The following ERI1 variants were observed in gnomAD, a reference collection of about 807,000 sequenced individuals.
ERI1 encodes the protein 3'-5' exoribonuclease 1.
A neutral mutation model predicts 39.7 loss-of-function variants in ERI1; 39 were observed. The ratio of observed to expected loss-of-function variants is 0.98; its 90% CI spans 0.76 to 1.28. ERI1 has a LOEUF of 1.28. Among genes scored for constraint, ERI1 ranks in the 50% most tolerant of loss-of-function variants. The probability of loss-of-function intolerance (pLI) is 0.00; values close to 1 mark genes in which losing one functional copy is unlikely to be tolerated. For missense variants in ERI1, 581 were observed against 416.9 expected (o/e 1.39, Z -3.43); for synonymous variants, 204 against 149.6 (o/e 1.36, Z -2.65).
intron 3 of ERI1, among the ~76,000 whole-genome samples, chr8:9,045,191 G>A (rs886701065): frequency 3.5e-5 from 5 of 142,684 alleles, no homozygotes; most frequent in African/African-American, 1.1e-4. Flanking sequence ...AGCAGAGATC[G>A]CGCCACTGCA....
At chr8:9,040,709 T>C (rs571502272) in intron 3 of ERI1, among the ~76,000 whole-genome samples, 126 of 145,038 alleles carry the variant, frequency 8.7e-4, no homozygotes, top group African/African-American at 3.2e-3. Flanking sequence ...AATGTTTTCA[T>C]CAGTAATATA....
intron 3 of ERI1, among the ~76,000 whole-genome samples, chr8:9,043,832 C>A (rs1400209541): frequency 6.6e-6 from 1 of 152,060 alleles, no homozygotes; most frequent in Non-Finnish European, 1.5e-5. Flanking sequence ...GGACTACAGG[C>A]CATAATTGTA....
At chr8:9,026,566 C>G (rs1234106993) in intron 6 of ERI1, among the ~76,000 whole-genome samples, 1 of 152,130 alleles carries the variant, frequency 6.6e-6, no homozygotes, top group Non-Finnish European at 1.5e-5. Context: ...AGAATTCTAC[C>G]TTTCTGAGGC....
At chr8:9,018,236 T>C in intron 4 of ERI1, 61 bp from the exon 5 acceptor site, 1 of 897,614 alleles carries the variant, frequency 1.1e-6, no homozygotes, top group Non-Finnish European at 1.8e-6. Flanking sequence ...GTCTGGGTAT[T>C]TTGTAGGTCT....
At chr8:9,087,441 T>C (rs1283466680) in intron 3 of ERI1, among the ~76,000 whole-genome samples, 43 of 150,118 alleles carry the variant, frequency 2.9e-4, no homozygotes, top group African/African-American at 9.3e-4. Flanking sequence ...TTTTTGATTT[T>C]TAGTAGAGAC....
chr8:9,033,057 A>T lies in ERI1; in HGVS notation c.*3023A>T, dbSNP rs776650566. 2 of 152,186 alleles carry T rather than the reference A, an allele frequency of 1.3e-5. No individual in the cohort carries two copies. Among genetic ancestry groups the T allele is most frequent in the Non-Finnish European group, 2.9e-5 (2 of 68,032 alleles). 9.4% of individuals were successfully genotyped at this position (152,186 alleles called of 1,614,324 possible). A position where few individuals can be genotyped will look rare whatever the true frequency, so the allele number is the denominator to read the frequency against. On this transcript the variant is annotated 3_prime_UTR_variant, in exon 7 of 7. Transcript: ENST00000250263. ...GTTGATACATGAAGGACAGCATTAC[A>T]TCTTTTTTCTATTATACTTAGAAAT...
rs757707302 is a variant in ERI1, at chr8:9,029,820, T to A, written c.836T>A (p.Ile279Lys). 1 of 1,614,052 alleles carries A rather than the reference T, an allele frequency of 6.2e-7. No individual in the cohort carries two copies. Among genetic ancestry groups the A allele is most frequent in the African/African-American group, 1.3e-5 (1 of 74,920 alleles). ...KVPRSQTKLT[I>K]MLEKLGMDYD... is the part of the protein sequence containing the mutation. ...CCTAGAAGCCAAACCAAACTGACAA[T>A]AATGCTTGAAAAATTAGGAATGGAT... Residue 279 changes from isoleucine to lysine, a missense_variant, in exon 7 of 7, where the codon ATA becomes AAA. Physicochemically the swap from Ile to Lys is moderately radical, Grantham distance 102. Transcript: ENST00000250263.
At chr8:9,055,873 G>A (rs1397102529) in intron 3 of ERI1, among the ~76,000 whole-genome samples, 1 of 152,124 alleles carries the variant, frequency 6.6e-6, no homozygotes, top group Non-Finnish European at 1.5e-5. Flanking sequence ...TAGCTTTGAG[G>A]GAAAGGGGTT....
At chr8:9,084,815 C>T (rs1285378497) in intron 3 of ERI1, among the ~76,000 whole-genome samples, 8 of 151,770 alleles carry the variant, frequency 5.3e-5, no homozygotes, top group Non-Finnish European at 1.0e-4. Context: ...GATACAAAAG[C>T]TGATCATTCT....
At chr8:9,010,151 A>G (rs1158220970) in intron 2 of ERI1, among the ~76,000 whole-genome samples, 1 of 152,236 alleles carries the variant, frequency 6.6e-6, no homozygotes, top group African/African-American at 2.4e-5. Context: ...CTGAGTTAGA[A>G]TTGACAAACA....
chr8:9,009,084 A>G (rs1816387852), intron 2 of ERI1: 1 of 456,296 alleles, frequency 2.2e-6, no homozygotes, highest in African/African-American at 2.0e-5. Context: ...TGTCCTTCCC[A>G]GGTGTGAAGA....
At chr8:9,044,980 G>A (rs1294801846) in intron 3 of ERI1, among the ~76,000 whole-genome samples, 1 of 152,134 alleles carries the variant, frequency 6.6e-6, no homozygotes, top group Admixed American at 6.5e-5. Context: ...GCTCAAGCCT[G>A]TAATCCCAGC....
intron 6 of ERI1, among the ~76,000 whole-genome samples, chr8:9,029,142 A>G (rs1335408606): frequency 2.0e-5 from 3 of 152,128 alleles, no homozygotes; most frequent in Non-Finnish European, 4.4e-5. Flanking sequence ...TACACTATAG[A>G]AAAATACCAT....
At chr8:9,016,788 C>T (rs1209082483) in intron 4 of ERI1, among the ~76,000 whole-genome samples, 8 of 152,134 alleles carry the variant, frequency 5.3e-5, no homozygotes, top group African/African-American at 1.9e-4. Context: ...TGGGCTCAAG[C>T]GATTCTCCTG....
intron 5 of ERI1, among the ~76,000 whole-genome samples, chr8:9,020,135 T>G (rs1489899970): frequency 1.3e-5 from 2 of 152,198 alleles, no homozygotes; most frequent in Non-Finnish European, 2.9e-5. Flanking sequence ...GGAATTAGTT[T>G]GTGAACAAAA....
At chr8:9,011,427 C>CTAAAATAA in intron 2 of ERI1, 115 bp from the exon 3 acceptor site, 1 of 536,984 alleles carries the variant, frequency 1.9e-6, no homozygotes, top group Admixed American at 3.6e-5. Context: ...TTTTAGCTAG[C>CTAAAATAA]ATTTGCTAAA....
chr8:9,021,621 G>T (rs370045207), intron 6 of ERI1, among the ~76,000 whole-genome samples: 2 of 151,862 alleles, frequency 1.3e-5, no homozygotes, highest in Non-Finnish European at 1.5e-5. Flanking sequence ...CTTCCTCCTG[G>T]AGTTAACCCT....
intron 6 of ERI1, among the ~76,000 whole-genome samples, chr8:9,024,443 C>G (rs1442960687): frequency 6.6e-6 from 1 of 151,096 alleles, no homozygotes; most frequent in East Asian, 1.9e-4. Context: ...TCTTTCAAGA[C>G]GGAATCTCAC....
chr8:9,050,060 G>A (rs554039960), intron 3 of ERI1, among the ~76,000 whole-genome samples: 3 of 152,052 alleles, frequency 2.0e-5, no homozygotes, highest in African/African-American at 7.2e-5. Flanking sequence ...TCGGCTCCCT[G>A]GTCTGTAAGA....
Sources: gnomAD v4.1 joint callset for allele counts (sites outside exome capture counted in the v4.1 genomes callset) on GRCh38, gnomAD v4.1.1 for gene constraint, MANE v1.5 for transcripts, NCBI Gene and HGNC (gene_info 2026-07-23, HGNC 2026-07-21) for gene names.